PDGFD: variants seen among roughly 807,000 people sequenced by gnomAD.
PDGFD encodes the protein platelet-derived growth factor D.
A neutral mutation model predicts 44.7 loss-of-function variants in PDGFD; 30 were observed. The ratio of observed to expected loss-of-function variants is 0.67; its 90% CI spans 0.50 to 0.91. The LOEUF is 0.91. PDGFD is among the 40% of genes least tolerant of loss of function. The pLI is 0.00. For missense variants in PDGFD, 445 were observed against 457.8 expected (o/e 0.97, Z 0.25); for synonymous variants, 173 against 168.4 (o/e 1.03, Z -0.21).
At chr11:104,134,568 C>T (rs1158482535) in intron 1 of PDGFD, among the ~76,000 whole-genome samples, 1 of 152,206 alleles carries the variant, frequency 6.6e-6, no homozygotes, top group Non-Finnish European at 1.5e-5. Flanking sequence ...ACTGATTCAT[C>T]CACTCATGCA....
intron 6 of PDGFD, among the ~76,000 whole-genome samples, chr11:103,925,743 T>C (rs1289302825): frequency 1.4e-5 from 2 of 139,424 alleles, no homozygotes; most frequent in Admixed American, 7.0e-5. Flanking sequence ...ATATGTAATT[T>C]TTTTTTTGAG....
intron 1 of PDGFD, among the ~76,000 whole-genome samples, chr11:104,104,683 C>T (rs12283478): frequency 0.055 from 8,408 of 152,096 alleles, 361 homozygotes; most frequent in African/African-American, 0.12. Context: ...CTATTATGTT[C>T]ACACAATGAC....
At chr11:103,962,384 G>A (rs912907718) in intron 3 of PDGFD, among the ~76,000 whole-genome samples, 3 of 152,100 alleles carry the variant, frequency 2.0e-5, no homozygotes, top group Non-Finnish European at 2.9e-5. Flanking sequence ...CTTGAGGTTG[G>A]TCAGCAGGAA....
At chr11:103,972,670 G>T (rs1481612256) in intron 3 of PDGFD, among the ~76,000 whole-genome samples, 1 of 152,086 alleles carries the variant, frequency 6.6e-6, no homozygotes, top group Admixed American at 6.6e-5. Context: ...ATTAATGATA[G>T]GTTCACACTT....
intron 2 of PDGFD, among the ~76,000 whole-genome samples, chr11:103,999,573 G>A (rs1859587634): frequency 6.6e-6 from 1 of 152,046 alleles, no homozygotes; most frequent in East Asian, 1.9e-4. Context: ...TATGAATTCG[G>A]GGTCAGGCCC....
chr11:104,029,526 C>T (rs1047770478), intron 1 of PDGFD, among the ~76,000 whole-genome samples: 20 of 152,184 alleles, frequency 1.3e-4, no homozygotes, highest in Admixed American at 2.0e-4. Flanking sequence ...CATTACCTAT[C>T]ATGTACATAA....
At chr11:104,058,114 A>G (rs1860650976) in intron 1 of PDGFD, among the ~76,000 whole-genome samples, 1 of 152,212 alleles carries the variant, frequency 6.6e-6, no homozygotes, top group African/African-American at 2.4e-5. Context: ...ATTTATTAGA[A>G]CACAAAAAGC....
chr11:104,019,070 C>T (rs1489447151), intron 1 of PDGFD, among the ~76,000 whole-genome samples: 3 of 152,180 alleles, frequency 2.0e-5, no homozygotes, highest in African/African-American at 2.4e-5. Flanking sequence ...TTTTATTGGG[C>T]ATCATTTCTA....
At chr11:104,032,618 C>T (rs1860146302) in intron 1 of PDGFD, among the ~76,000 whole-genome samples, 1 of 150,366 alleles carries the variant, frequency 6.7e-6, no homozygotes, top group African/African-American at 2.4e-5. Context: ...AACTGACTAT[C>T]ATAACTGAAA....
chr11:103,921,586 C>T (rs558153298), intron 6 of PDGFD, among the ~76,000 whole-genome samples: 1 of 150,576 alleles, frequency 6.6e-6, no homozygotes, highest in East Asian at 2.0e-4. Context: ...AATACCCCCC[C>T]ATAAACCCAC....
At chr11:104,119,886 G>A (rs1475712887) in intron 1 of PDGFD, among the ~76,000 whole-genome samples, 4 of 81,424 alleles carry the variant, frequency 4.9e-5, no homozygotes, top group African/African-American at 8.4e-5. Flanking sequence ...TTATTATATA[G>A]TACATAATTA....
intron 1 of PDGFD, among the ~76,000 whole-genome samples, chr11:104,107,483 T>C (rs534033023): frequency 6.6e-6 from 1 of 152,196 alleles, no homozygotes; most frequent in Admixed American, 6.6e-5. Context: ...CCCCCTAAAC[T>C]GTGCCTGGAT....
chr11:104,136,159 T>C (rs1408599132), intron 1 of PDGFD, among the ~76,000 whole-genome samples: 2 of 152,196 alleles, frequency 1.3e-5, no homozygotes, highest in African/African-American at 2.4e-5. Flanking sequence ...ACCACTCAGC[T>C]TGCTTGTACA....
chr11:103,950,394 CAAAAAAAAA>C (rs375762671), intron 3 of PDGFD, among the ~76,000 whole-genome samples: 4 of 107,784 alleles, frequency 3.7e-5, no homozygotes, highest in Admixed American at 2.1e-4. Context: ...ACTAATAATA[CAAAAAAAAA>C]AAAAAAAAAA....
Position 103,943,531 on chromosome 11 carries a change from T to C in PDGFD, c.693A>G (p.Ser231=). The change falls in exon 5 of 7, where the codon TCA becomes TCG. Residue 231 remains serine, a synonymous_variant. Transcript: ENST00000393158. ...ACATATTCTCAAGATCTTCTTGCCATGACTCTGGATTGAAGTACTTGAGCA... is the reference window on the plus strand; with the variant it reads ...ACATATTCTCAAGATCTTCTTGCCACGACTCTGGATTGAAGTACTTGAGCA... ...EDLLKYFNPE[S]WQEDLENMYL... is the part of the protein sequence containing the mutation. The C allele has an allele frequency of 1.2e-6, 2 of 1,613,456 alleles. No homozygotes were observed. The highest frequency in any genetic ancestry group is 1.7e-6 in the Non-Finnish European group (2 of 1,179,648).
intron 1 of PDGFD, among the ~76,000 whole-genome samples, chr11:104,157,161 C>T (rs1483505): frequency 0.24 from 36,703 of 152,056 alleles, 4,588 homozygotes; most frequent in African/African-American, 0.29. Flanking sequence ...CTGTGCTGAG[C>T]GCAGAGCGAC....
At chr11:104,125,614 C>T (rs1163491432) in intron 1 of PDGFD, among the ~76,000 whole-genome samples, 1 of 152,108 alleles carries the variant, frequency 6.6e-6, no homozygotes, top group Non-Finnish European at 1.5e-5. Flanking sequence ...CCACATGACA[C>T]TATCCCAAGA....
chr11:103,992,852 G>A lies in PDGFD; in HGVS notation c.510+3213C>T, dbSNP rs369106131. 1.5e-4 allele frequency among the ~76,000 whole-genome samples: 23 copies of A among 152,294 alleles called. No homozygotes were observed. The East Asian group carries it at 4.1e-3, about 27-fold the overall frequency. The stretch of plus-strand genomic sequence containing the variant: ...TGTGATTCCAGTGTAATAGGCTCTT[G>A]CAGTCCTGGATACCTACTACTTGTA... On this transcript the variant is annotated intron_variant, in intron 3 of 6. Coordinates refer to ENST00000393158, the MANE Select transcript of PDGFD (RefSeq NM_025208.5).
chr11:103,983,080 C>T (rs370748924), intron 3 of PDGFD, among the ~76,000 whole-genome samples: 4 of 151,604 alleles, frequency 2.6e-5, no homozygotes, highest in African/African-American at 9.7e-5. Flanking sequence ...TTAAAATTCA[C>T]GTGGAATCAA....
Sources: allele counts gnomAD v4.1 joint callset (sites outside exome capture counted in the v4.1 genomes callset), GRCh38; gene constraint gnomAD v4.1.1; transcripts MANE v1.5; gene names NCBI Gene and HGNC (gene_info 2026-07-23, HGNC 2026-07-21).